Variants in NKAIN2 observed in about 807,000 individuals in gnomAD.
NKAIN2 encodes the protein sodium/potassium-transporting ATPase subunit beta-1-interacting protein 2.
In NKAIN2, 14 loss-of-function variants were observed where a neutral mutation model predicts 32.6. That is an observed-to-expected ratio of 0.43 (90% CI 0.28 to 0.67). The LOEUF (loss-of-function observed/expected upper bound fraction) is 0.67, where lower values mean the gene tolerates loss of function less well. NKAIN2 is among the 30% of genes least tolerant of loss of function. NKAIN2 has a pLI of 0.17. For missense variants in NKAIN2, 198 were observed against 258.3 expected, an observed-to-expected ratio of 0.77 and a Z score of 1.60; for synonymous variants, 80 against 87.2, an observed-to-expected ratio of 0.92 and a Z score of 0.46.
chr6:124,447,276 T>C (rs1415624809), intron 3 of NKAIN2, among the ~76,000 whole-genome samples: 2 of 148,640 alleles, frequency 1.3e-5, no homozygotes, highest in South Asian at 4.1e-4. Context: ...GACCTTAAGC[T>C]CCTTCAGGGC....
chr6:123,894,548 G>A (rs1003408713), intron 1 of NKAIN2, among the ~76,000 whole-genome samples: 1 of 151,960 alleles, frequency 6.6e-6, no homozygotes, highest in East Asian at 1.9e-4. Context: ...AAGGAGATGA[G>A]GTAGAAGCTA....
chr6:124,749,880 C>T (rs895846498), intron 4 of NKAIN2, among the ~76,000 whole-genome samples: 3 of 151,808 alleles, frequency 2.0e-5, no homozygotes, highest in Non-Finnish European at 4.4e-5. Context: ...TCCTATAATA[C>T]ACCAAAATAC....
chr6:123,991,834 A>T (rs1396691636), intron 1 of NKAIN2, among the ~76,000 whole-genome samples: 1 of 152,122 alleles, frequency 6.6e-6, no homozygotes, highest in Non-Finnish European at 1.5e-5. Flanking sequence ...TGCACTCCAC[A>T]GCCTGGGCGA....
chr6:124,405,627 G>A (rs551588177), intron 3 of NKAIN2, among the ~76,000 whole-genome samples: 2 of 149,456 alleles, frequency 1.3e-5, no homozygotes, highest in African/African-American at 2.5e-5. Flanking sequence ...TTGTCCTCCC[G>A]ACTCTGCCTC....
intron 1 of NKAIN2, among the ~76,000 whole-genome samples, chr6:124,218,448 T>C (rs538392664): frequency 6.6e-6 from 1 of 152,292 alleles, no homozygotes; most frequent in African/African-American, 2.4e-5. Context: ...CATCCTGTTT[T>C]GGAAAAAAGA....
intron 1 of NKAIN2, among the ~76,000 whole-genome samples, chr6:123,822,484 A>G (rs575744379): frequency 6.6e-6 from 1 of 152,336 alleles, no homozygotes; most frequent in East Asian, 1.9e-4. Flanking sequence ...GGTTAGCAAT[A>G]TTAGAATGCT....
chr6:124,456,761 CTCA>C (rs1776338632), intron 3 of NKAIN2, among the ~76,000 whole-genome samples: 1 of 151,758 alleles, frequency 6.6e-6, no homozygotes, highest in African/African-American at 2.4e-5. Flanking sequence ...ATCTTTCATC[CTCA>C]TGAGATGTAT....
At chr6:124,443,934 A>G (rs533231290) in intron 3 of NKAIN2, among the ~76,000 whole-genome samples, 4 of 152,070 alleles carry the variant, frequency 2.6e-5, no homozygotes, top group Admixed American at 6.6e-5. Flanking sequence ...TCCTGACTAT[A>G]TGAATTCCCA....
At chr6:124,369,662 C>A (rs1799667530) in intron 3 of NKAIN2, among the ~76,000 whole-genome samples, 1 of 152,016 alleles carries the variant, frequency 6.6e-6, no homozygotes, top group African/African-American at 2.4e-5. Context: ...CCCTGCCTTA[C>A]ATCCCAAAAT....
chr6:123,804,926 TTC>T (rs1773153446), intron 1 of NKAIN2, among the ~76,000 whole-genome samples: 1 of 152,226 alleles, frequency 6.6e-6, no homozygotes, highest in Non-Finnish European at 1.5e-5. Flanking sequence ...AGAAAAACTA[TTC>T]TGTCTTACAT....
At chr6:124,061,015 C>T (rs1782897323) in intron 1 of NKAIN2, among the ~76,000 whole-genome samples, 1 of 152,084 alleles carries the variant, frequency 6.6e-6, no homozygotes, top group African/African-American at 2.4e-5. Flanking sequence ...AGAAAGCTTT[C>T]AGCATGTATA....
chr6:123,889,387 G>A (rs955715414), intron 1 of NKAIN2, among the ~76,000 whole-genome samples: 6 of 151,996 alleles, frequency 3.9e-5, no homozygotes, highest in African/African-American at 1.2e-4. Context: ...ATGACAGCTG[G>A]GTTCATTCTG....
At chr6:124,560,425 C>A (rs1583440283) in intron 3 of NKAIN2, among the ~76,000 whole-genome samples, 1 of 152,204 alleles carries the variant, frequency 6.6e-6, no homozygotes, top group Non-Finnish European at 1.5e-5. Context: ...ATAAATTACA[C>A]AGCCTCAGGT....
At chr6:124,476,729 G>A (rs563742430) in intron 3 of NKAIN2, among the ~76,000 whole-genome samples, 1 of 152,152 alleles carries the variant, frequency 6.6e-6, no homozygotes, top group Non-Finnish European at 1.5e-5. Flanking sequence ...TATATTCTGA[G>A]CATTTTGCAA....
intron 2 of NKAIN2, among the ~76,000 whole-genome samples, chr6:124,306,767 T>C (rs1796520332): frequency 6.6e-6 from 1 of 152,108 alleles, no homozygotes; most frequent in Non-Finnish European, 1.5e-5. Context: ...AGTTTGTGGA[T>C]CAGAAGACAA....
At chr6:123,825,685 C>T (rs1342420226) in intron 1 of NKAIN2, among the ~76,000 whole-genome samples, 1 of 152,148 alleles carries the variant, frequency 6.6e-6, no homozygotes, top group Admixed American at 6.5e-5. Context: ...CTGAAACTGA[C>T]TCAGCTGTGC....
At chr6:124,238,165 A>T (rs991161434) in intron 1 of NKAIN2, among the ~76,000 whole-genome samples, 7 of 152,038 alleles carry the variant, frequency 4.6e-5, no homozygotes, top group African/African-American at 1.7e-4. Flanking sequence ...GATAAAGGTT[A>T]GCCAGGGGGG....
At chr6:124,052,563 A>G (rs969781650) in intron 1 of NKAIN2, among the ~76,000 whole-genome samples, 2 of 152,122 alleles carry the variant, frequency 1.3e-5, no homozygotes, top group African/African-American at 2.4e-5. Context: ...GAAAAGCTAC[A>G]GAAATGAATA....
At chr6:124,153,972 G>C (rs1787859642) in intron 1 of NKAIN2, among the ~76,000 whole-genome samples, 1 of 149,270 alleles carries the variant, frequency 6.7e-6, no homozygotes, top group African/African-American at 2.5e-5. Flanking sequence ...TACTGAAGAA[G>C]TTCCCTTCCA....
Sources: gnomAD v4.1 joint callset for allele counts (sites outside exome capture counted in the v4.1 genomes callset) on GRCh38, gnomAD v4.1.1 for gene constraint, MANE v1.5 for transcripts, NCBI Gene and HGNC (gene_info 2026-07-23, HGNC 2026-07-21) for gene names.